NCKAP5: variants seen among roughly 807,000 people sequenced by gnomAD.
NCKAP5 encodes the protein NCK associated protein 5.
NCKAP5 carries 92 observed loss-of-function variants against 167.0 expected under a neutral mutation model. The ratio of observed to expected loss-of-function variants is 0.55; its 90% CI spans 0.47 to 0.66. The LOEUF (loss-of-function observed/expected upper bound fraction) is 0.66, where lower values mean the gene tolerates loss of function less well. NCKAP5 is among the 30% of genes least tolerant of loss of function. The pLI is 0.00. For synonymous variants in NCKAP5, 891 were observed against 877.4 expected, an observed-to-expected ratio of 1.02 and a Z score of -0.27; for missense variants, 2,378 against 2,315.0, an observed-to-expected ratio of 1.03 and a Z score of -0.56.
chr2:133,502,824 GATGAATGAAAGA>G (rs1258190852), intron 3 of NCKAP5, among the ~76,000 whole-genome samples: 1 of 152,240 alleles, frequency 6.6e-6, no homozygotes, highest in East Asian at 1.9e-4. Context: ...ATGAACGTGT[GATGAATGAAAGA>G]ATGAATGAAT....
intron 12 of NCKAP5, among the ~76,000 whole-genome samples, chr2:132,793,257 C>T (rs1233743357): frequency 6.6e-6 from 1 of 152,190 alleles, no homozygotes; most frequent in Admixed American, 6.5e-5. Context: ...GGTGATCCAC[C>T]TTAGTTTCCC....
At chr2:132,758,035 C>G (rs141121850) in intron 16 of NCKAP5, among the ~76,000 whole-genome samples, 2 of 152,204 alleles carry the variant, frequency 1.3e-5, no homozygotes, top group Admixed American at 6.5e-5. Context: ...CCAAATCACT[C>G]GCCAATCCCG....
chr2:132,748,241 C>T (rs1235323474), intron 16 of NCKAP5, among the ~76,000 whole-genome samples: 1 of 152,196 alleles, frequency 6.6e-6, no homozygotes, highest in Non-Finnish European at 1.5e-5. Flanking sequence ...TTTCTCTATA[C>T]CTCCAACCAC....
chr2:133,449,122 C>A (rs1367180436), intron 3 of NCKAP5, among the ~76,000 whole-genome samples: 1 of 152,158 alleles, frequency 6.6e-6, no homozygotes, highest in Non-Finnish European at 1.5e-5. Flanking sequence ...TCTCCCCTAC[C>A]CAACTGGGAG....
At chr2:133,605,427 C>T in the NCKAP5 span, among the ~76,000 whole-genome samples, 2 of 152,096 alleles carry the variant, frequency 1.3e-5, no homozygotes, top group African/African-American at 4.8e-5. Flanking sequence ...TCCCCGACCC[C>T]CTGGGTGGGT....
rs192229642 is a variant in NCKAP5 at position 132,703,690 on chromosome 2, T to A, written c.5713+21937A>T. On this transcript the variant is annotated intron_variant, in intron 19 of 19. Transcript: ENST00000409261. The stretch of plus-strand genomic sequence containing the variant: ...CCAACGGACTGAATTACTGACTGGG[T>A]CATTCATTCATTCATTCATTCAACA... Among the ~76,000 whole-genome samples the A allele has an allele frequency of 5.3e-5, 8 of 152,162 alleles. No homozygotes were observed. In the East Asian group the frequency reaches 1.4e-3, roughly 26 times the overall value.
chr2:133,525,698 C>T (rs1382596753), intron 2 of NCKAP5, among the ~76,000 whole-genome samples: 1 of 152,132 alleles, frequency 6.6e-6, no homozygotes, highest in African/African-American at 2.4e-5. Context: ...CTTCTAATAC[C>T]AATATTTATT....
chr2:133,463,152 T>G (rs768557069), intron 3 of NCKAP5, among the ~76,000 whole-genome samples: 2 of 152,204 alleles, frequency 1.3e-5, no homozygotes, highest in Non-Finnish European at 2.9e-5. Flanking sequence ...AGTGTTTATT[T>G]TGTTTAGGCT....
At chr2:133,415,551 G>A (rs1689057355) in intron 3 of NCKAP5, among the ~76,000 whole-genome samples, 1 of 152,178 alleles carries the variant, frequency 6.6e-6, no homozygotes, top group Non-Finnish European at 1.5e-5. Flanking sequence ...TACTCCCTTA[G>A]ATAATACATG....
intron 5 of NCKAP5, among the ~76,000 whole-genome samples, chr2:133,147,325 G>T (rs913516319): frequency 6.6e-6 from 1 of 152,136 alleles, no homozygotes; most frequent in South Asian, 2.1e-4. Context: ...CGCATCTTGC[G>T]TGCTAATGTT....
At position 132,892,316 on chromosome 2, in the gene NCKAP5, AT is replaced by A. The variant is rs1692775325; in HGVS notation, c.580-13401del. Among the ~76,000 whole-genome samples the A allele has an allele frequency of 3.9e-5, 6 of 152,224 alleles. No homozygotes were observed. In the South Asian group the frequency reaches 8.3e-4, roughly 21 times the overall value. Reference sequence around the variant, plus strand: ...TACATTTATCAACTCAATATTACATATCTGAGCTCAAGATACAACACGTATT... The same window carrying A: ...TACATTTATCAACTCAATATTACATACTGAGCTCAAGATACAACACGTATT... On this transcript the variant is annotated intron_variant, in intron 8 of 19. Coordinates refer to ENST00000409261, the MANE Select transcript of NCKAP5 (RefSeq NM_207363.3).
At chr2:133,509,662 G>A (rs1183357413) in intron 3 of NCKAP5, among the ~76,000 whole-genome samples, 1 of 152,196 alleles carries the variant, frequency 6.6e-6, no homozygotes, top group Non-Finnish European at 1.5e-5. Flanking sequence ...TTTCTTCTCA[G>A]GGAACATAAT....
chr2:133,263,445 C>T (rs2150377783), intron 4 of NCKAP5, among the ~76,000 whole-genome samples: 1 of 152,126 alleles, frequency 6.6e-6, no homozygotes, highest in East Asian at 1.9e-4. Context: ...CCAAAGCCAG[C>T]CCCCAGCCAT....
intron 4 of NCKAP5, among the ~76,000 whole-genome samples, chr2:133,239,875 T>C (rs1361212311): frequency 6.6e-6 from 1 of 152,234 alleles, no homozygotes; most frequent in Non-Finnish European, 1.5e-5. Flanking sequence ...TCTGCTTCTC[T>C]CAGTTTGGTT....
At chr2:133,072,591 T>A (rs1055348542) in intron 6 of NCKAP5, among the ~76,000 whole-genome samples, 8 of 152,164 alleles carry the variant, frequency 5.3e-5, no homozygotes, top group African/African-American at 1.9e-4. Flanking sequence ...CCAACTGTTA[T>A]TTTCTTAATT....
the NCKAP5 span, among the ~76,000 whole-genome samples, chr2:133,629,334 C>T: frequency 1.5e-4 from 23 of 152,228 alleles, no homozygotes; most frequent in African/African-American, 5.5e-4. Flanking sequence ...CATGAACAGA[C>T]ACTTCCCAAA....
chr2:133,655,533 G>A, the NCKAP5 span, among the ~76,000 whole-genome samples: 15 of 152,082 alleles, frequency 9.9e-5, no homozygotes, highest in East Asian at 1.9e-4. Context: ...ACAGGTCTGC[G>A]ATAGATTCAG....
At chr2:133,585,368 C>T in the NCKAP5 span, among the ~76,000 whole-genome samples, 1 of 152,210 alleles carries the variant, frequency 6.6e-6, no homozygotes, top group Non-Finnish European at 1.5e-5. Flanking sequence ...GGATTGTCAA[C>T]TTAAACACAG....
chr2:133,309,776 G>T (rs1435497177), intron 3 of NCKAP5, among the ~76,000 whole-genome samples: 1 of 152,072 alleles, frequency 6.6e-6, no homozygotes, highest in African/African-American at 2.4e-5. Flanking sequence ...TTCTGAGAGA[G>T]GCCCATTATA....
Sources: gnomAD v4.1 joint callset for allele counts (sites outside exome capture counted in the v4.1 genomes callset) on GRCh38, gnomAD v4.1.1 for gene constraint, MANE v1.5 for transcripts, NCBI Gene and HGNC (gene_info 2026-07-23, HGNC 2026-07-21) for gene names.